DPYSL2: variants seen among roughly 807,000 people sequenced by gnomAD.
DPYSL2 encodes the protein dihydropyrimidinase-related protein 2.
A neutral mutation model predicts 69.9 loss-of-function variants in DPYSL2; 13 were observed. The observed-to-expected ratio is 0.19, with a 90% CI of 0.12 to 0.30. DPYSL2 has a LOEUF of 0.30. Ranked by LOEUF, DPYSL2 falls within the 10% of genes least tolerant of loss-of-function variation. DPYSL2 has a pLI of 1.00. For synonymous variants in DPYSL2, 326 were observed against 359.1 expected, an observed-to-expected ratio of 0.91 and a Z score of 1.04; for missense variants, 587 against 918.9, an observed-to-expected ratio of 0.64 and a Z score of 4.67.
chr8:26,519,928 A>G (rs1808358068), intron 1 of DPYSL2, among the ~76,000 whole-genome samples: 1 of 152,246 alleles, frequency 6.6e-6, no homozygotes, highest in Non-Finnish European at 1.5e-5. Context: ...AATGAAATAT[A>G]TAAAGGTAAA....
chr8:26,603,062 C>T (rs568760678), intron 3 of DPYSL2, among the ~76,000 whole-genome samples: 10 of 152,244 alleles, frequency 6.6e-5, no homozygotes, highest in African/African-American at 1.7e-4. Context: ...ATTTAGACTC[C>T]GGATTTGACC....
chr8:26,524,613 C>A (rs961969187), intron 1 of DPYSL2, among the ~76,000 whole-genome samples: 1 of 151,854 alleles, frequency 6.6e-6, no homozygotes, highest in Non-Finnish European at 1.5e-5. Context: ...GCCTGGCCAA[C>A]GTGGCAAAAT....
intron 3 of DPYSL2, among the ~76,000 whole-genome samples, chr8:26,616,755 C>T (rs945787523): frequency 2.6e-5 from 4 of 152,104 alleles, no homozygotes; most frequent in Non-Finnish European, 5.9e-5. Flanking sequence ...TCCTGCTCCA[C>T]GGGTGTAACC....
intron 3 of DPYSL2, among the ~76,000 whole-genome samples, chr8:26,612,895 C>T (rs991351810): frequency 6.6e-6 from 1 of 152,210 alleles, no homozygotes; most frequent in Non-Finnish European, 1.5e-5. Context: ...AGGCAAGTCC[C>T]GTGGCCTCCA....
chr8:26,606,710 A>G (rs528930734), intron 3 of DPYSL2, among the ~76,000 whole-genome samples: 2 of 152,352 alleles, frequency 1.3e-5, no homozygotes, highest in South Asian at 2.1e-4. Flanking sequence ...TAAACTTTCA[A>G]ATATTAAAAG....
intron 1 of DPYSL2, among the ~76,000 whole-genome samples, chr8:26,568,905 C>A (rs1487032964): frequency 6.6e-6 from 1 of 151,500 alleles, no homozygotes; most frequent in Non-Finnish European, 1.5e-5. Flanking sequence ...ATGATTGGAC[C>A]TCCAGGCACA....
At chr8:26,578,512 G>A in intron 1 of DPYSL2, 5 of 1,425,746 alleles carry the variant, frequency 3.5e-6, no homozygotes, top group Non-Finnish European at 4.6e-6. Flanking sequence ...ACAGGAGCGC[G>A]AGTGCACGAA....
intron 1 of DPYSL2, among the ~76,000 whole-genome samples, chr8:26,536,447 G>A (rs1382275191): frequency 6.6e-6 from 1 of 152,022 alleles, no homozygotes; most frequent in Non-Finnish European, 1.5e-5. Flanking sequence ...GAGGCGGTTG[G>A]ATCACCTGAG....
intron 7 of DPYSL2, among the ~76,000 whole-genome samples, chr8:26,631,745 A>G (rs1183056830): frequency 6.6e-6 from 1 of 151,886 alleles, no homozygotes; most frequent in Non-Finnish European, 1.5e-5. Context: ...TTTTAGCCAT[A>G]TGACAGCCCA....
chr8:26,594,129 G>A (rs533210730), intron 3 of DPYSL2, among the ~76,000 whole-genome samples: 13 of 152,264 alleles, frequency 8.5e-5, no homozygotes, highest in Middle Eastern at 3.4e-3. Flanking sequence ...CTGTCTGAGC[G>A]TGATCATCCT....
Position 26,539,870 on chromosome 8 carries a change from T to G in DPYSL2, c.354+25191T>G, listed in dbSNP as rs538603090. Among the ~76,000 whole-genome samples the G allele has an allele frequency of 2.0e-5, 3 of 152,122 alleles. No individual in the cohort carries two copies. In the East Asian group the frequency reaches 5.8e-4, roughly 29 times the overall value. On this transcript the variant is annotated intron_variant, in intron 1 of 13. Coordinates refer to ENST00000521913, the MANE Select transcript of DPYSL2 (RefSeq NM_001197293.3). ...CCTGCAGGTGTAGGTCTTTCCCCACTGAAGCCAGTCTTAAGTCTGGAAGAA... is the reference window on the plus strand; with the variant it reads ...CCTGCAGGTGTAGGTCTTTCCCCACGGAAGCCAGTCTTAAGTCTGGAAGAA...
intron 1 of DPYSL2, among the ~76,000 whole-genome samples, chr8:26,526,952 G>A (rs1375950589): frequency 6.6e-6 from 1 of 152,256 alleles, no homozygotes; most frequent in Non-Finnish European, 1.5e-5. Flanking sequence ...GCATCTCAGT[G>A]CATCTTCTGC....
At chr8:26,544,481 A>G (rs1037291160) in intron 1 of DPYSL2, among the ~76,000 whole-genome samples, 11 of 152,218 alleles carry the variant, frequency 7.2e-5, no homozygotes, top group Admixed American at 6.5e-4. Context: ...ACTTCTAAAC[A>G]CCTGGACAGA....
In DPYSL2 at chr8:26,578,377, G is replaced by A. The variant is rs891118478; in HGVS notation, c.355-3592G>A. 3.8e-6 allele frequency: 6 copies of A among 1,598,228 alleles called. No individual in the cohort carries two copies. The African/African-American group carries it at 8.1e-5, about 22-fold the overall frequency. On this transcript the variant is annotated intron_variant, in intron 1 of 13. Coordinates refer to ENST00000521913, the MANE Select transcript of DPYSL2 (RefSeq NM_001197293.3). ...TCTAAGGAATTTTTAAAAAGGAGGG[G>A]AAAGGAGAGGGACCGAACTTTTTTT...
At chr8:26,550,129 G>A (rs1416753854) in intron 1 of DPYSL2, among the ~76,000 whole-genome samples, 4 of 152,170 alleles carry the variant, frequency 2.6e-5, no homozygotes, top group Non-Finnish European at 5.9e-5. Context: ...AATTAAATAA[G>A]GAAAAGTAAC....
At chr8:26,540,774 A>G (rs1899493) in intron 1 of DPYSL2, among the ~76,000 whole-genome samples, 120,079 of 151,872 alleles carry the variant, frequency 0.79, 47,825 homozygotes, top group East Asian at 0.9. Context: ...GCATGGTGGC[A>G]CATGCCTGTA....
intron 1 of DPYSL2, among the ~76,000 whole-genome samples, chr8:26,579,774 A>T (rs920695): frequency 0.89 from 135,164 of 152,158 alleles, 60,374 homozygotes; most frequent in East Asian, 0.98. Context: ...TTCACTGTGC[A>T]GGAGGAAGGA....
At chr8:26,520,904 G>T (rs2117599294) in intron 1 of DPYSL2, among the ~76,000 whole-genome samples, 1 of 152,186 alleles carries the variant, frequency 6.6e-6, no homozygotes. Flanking sequence ...GGCCAAGGGA[G>T]GTCTCTGGGG....
intron 3 of DPYSL2, among the ~76,000 whole-genome samples, chr8:26,615,072 G>T (rs1419804808): frequency 6.6e-6 from 1 of 152,222 alleles, no homozygotes; most frequent in Non-Finnish European, 1.5e-5. Context: ...GGCACGGGAG[G>T]TGTGGCTGTT....
Sources: gnomAD v4.1 joint callset for allele counts (sites outside exome capture counted in the v4.1 genomes callset) on GRCh38, gnomAD v4.1.1 for gene constraint, MANE v1.5 for transcripts, NCBI Gene and HGNC (gene_info 2026-07-23, HGNC 2026-07-21) for gene names.